Variants in PTPRR observed in about 807,000 individuals in gnomAD.
The protein encoded by PTPRR is protein tyrosine phosphatase receptor type R.
PTPRR carries 38 observed loss-of-function variants against 77.2 expected under a neutral mutation model. The observed-to-expected ratio is 0.49, with a 90% confidence interval of 0.38 to 0.65. PTPRR has a LOEUF of 0.65. Among genes scored for constraint, PTPRR ranks in the 30% least tolerant of loss-of-function variants. The probability of loss-of-function intolerance (pLI) is 0.00; values close to 1 mark genes in which losing one functional copy is unlikely to be tolerated. For synonymous variants in PTPRR, 299 were observed against 283.1 expected, an observed-to-expected ratio of 1.06 and a Z score of -0.57; for missense variants, 744 against 799.2, an observed-to-expected ratio of 0.93 and a Z score of 0.83.
chr12:70,799,790 G>T (rs1047142686), intron 2 of PTPRR, among the ~76,000 whole-genome samples: 2 of 152,120 alleles, frequency 1.3e-5, no homozygotes, highest in African/African-American at 2.4e-5. Context: ...TAAATTTACA[G>T]CATCCACAAT....
chr12:70,679,229 A>G (rs772040353), intron 10 of PTPRR, among the ~76,000 whole-genome samples: 1 of 152,032 alleles, frequency 6.6e-6, no homozygotes, highest in South Asian at 2.1e-4. Context: ...AATATTTGTA[A>G]AGTTTCTGAA....
intron 5 of PTPRR, among the ~76,000 whole-genome samples, chr12:70,746,578 T>C (rs568583559): frequency 2.0e-5 from 3 of 152,304 alleles, no homozygotes; most frequent in Admixed American, 2.0e-4. Context: ...TAGTCATATA[T>C]CAACTTGAGT....
At chr12:70,721,610 C>G (rs559036983) in intron 6 of PTPRR, among the ~76,000 whole-genome samples, 38 of 152,236 alleles carry the variant, frequency 2.5e-4, no homozygotes, top group African/African-American at 9.2e-4. Flanking sequence ...ATGCAGTTTC[C>G]CTGACTGCTT....
At chr12:70,882,281 G>A (rs1893161901) in intron 2 of PTPRR, among the ~76,000 whole-genome samples, 1 of 152,104 alleles carries the variant, frequency 6.6e-6, no homozygotes, top group South Asian at 2.1e-4. Context: ...TCCTTTACTT[G>A]TTATTGCTGA....
chr12:70,867,175 G>A (rs1592802578), intron 2 of PTPRR, among the ~76,000 whole-genome samples: 1 of 151,248 alleles, frequency 6.6e-6, no homozygotes, highest in African/African-American at 2.4e-5. Context: ...ACATAGTGTT[G>A]GAAGTTCTGG....
intron 2 of PTPRR, among the ~76,000 whole-genome samples, chr12:70,828,812 A>G (rs1407300203): frequency 1.3e-5 from 2 of 152,230 alleles, no homozygotes; most frequent in Non-Finnish European, 2.9e-5. Context: ...TAATGTTGAT[A>G]GTGTCGTGTG....
chr12:70,914,152 T>C (rs990346165), intron 1 of PTPRR, among the ~76,000 whole-genome samples: 30 of 152,110 alleles, frequency 2.0e-4, no homozygotes, highest in African/African-American at 7.2e-4. Flanking sequence ...GTATTGGTAT[T>C]TAAGAGAAAT....
chr12:70,773,182 A>G (rs1244808149), intron 2 of PTPRR, among the ~76,000 whole-genome samples: 1 of 152,080 alleles, frequency 6.6e-6, no homozygotes, highest in East Asian at 1.9e-4. Flanking sequence ...TTAGGAGCCC[A>G]CCCTACTCCA....
At chr12:70,914,578 A>G (rs372978359) in intron 1 of PTPRR, among the ~76,000 whole-genome samples, 9 of 152,196 alleles carry the variant, frequency 5.9e-5, no homozygotes, top group East Asian at 1.9e-4. Flanking sequence ...GGTCATTGTG[A>G]AGAATCCTGG....
At chr12:70,784,170 C>T (rs935428005) in intron 2 of PTPRR, among the ~76,000 whole-genome samples, 2 of 152,170 alleles carry the variant, frequency 1.3e-5, no homozygotes, top group African/African-American at 4.8e-5. Flanking sequence ...TGCAGCCTGG[C>T]CCAGGAGGGC....
chr12:70,856,915 G>T (rs957542537), intron 2 of PTPRR, among the ~76,000 whole-genome samples: 3 of 151,784 alleles, frequency 2.0e-5, no homozygotes, highest in African/African-American at 7.3e-5. Flanking sequence ...TAGGCAATTG[G>T]GTAGATATAT....
intron 6 of PTPRR, among the ~76,000 whole-genome samples, chr12:70,744,201 C>T (rs1326977181): frequency 6.6e-6 from 1 of 152,090 alleles, no homozygotes; most frequent in African/African-American, 2.4e-5. Flanking sequence ...AAATGAGGTC[C>T]AGATGAGTGA....
chr12:70,801,742 A>AATCTATCTATCT lies in PTPRR; in HGVS notation c.358-36976_358-36965dup, dbSNP rs150514515. 8.1e-3 allele frequency among the ~76,000 whole-genome samples: 1,234 copies of AATCTATCTATCT among 151,684 alleles called. 7 individuals carry two copies. The highest frequency in any genetic ancestry group is 0.012 in the African/African-American group (481 of 41,256). Reference sequence around the variant, plus strand: ...ACCACATGAGCCACTCCTTATAATAAATCTATCTATCTATCTATCTATAGC... The same window carrying AATCTATCTATCT: ...ACCACATGAGCCACTCCTTATAATAAATCTATCTATCTATCTATCTATCTATCTATCTATAGC... On this transcript the variant is annotated intron_variant, in intron 2 of 13. Coordinates refer to ENST00000283228, the MANE Select transcript of PTPRR (RefSeq NM_002849.4).
Position 70,665,364 on chromosome 12 carries a change from C to CTTTTTTTTTTTTTTTTTTTTTT in PTPRR, c.1498-2781_1498-2760dup, listed in dbSNP as rs72472808. 1.3e-4 allele frequency among the ~76,000 whole-genome samples: 6 copies of CTTTTTTTTTTTTTTTTTTTTTT among 44,562 alleles called. 1 individual carries two copies. Among genetic ancestry groups the CTTTTTTTTTTTTTTTTTTTTTT allele is most frequent in the Non-Finnish European group, 2.2e-4 (5 of 22,412 alleles). The allele number at this position is 44,562 out of a possible 152,430, so 29.2% of individuals were successfully genotyped here. A position where few individuals can be genotyped will look rare whatever the true frequency, so the allele number is the denominator to read the frequency against. ...GATGTAACACAAAGCAATGCAAATTCTTTTTTTTTTTTTTTTTTTTTTTTT... is the reference window on the plus strand; with the variant it reads ...GATGTAACACAAAGCAATGCAAATTCTTTTTTTTTTTTTTTTTTTTTTTTTTTTTTTTTTTTTTTTTTTTTTT... On this transcript the variant is annotated intron_variant, in intron 10 of 13. Transcript: ENST00000283228.
intron 2 of PTPRR, among the ~76,000 whole-genome samples, chr12:70,792,300 C>A (rs1039567494): frequency 1.3e-5 from 2 of 152,124 alleles, no homozygotes; most frequent in African/African-American, 2.4e-5. Flanking sequence ...CAGAGATTTT[C>A]AGCGATGAAA....
At chr12:70,642,183 G>A (rs975126050) in intron 13 of PTPRR, among the ~76,000 whole-genome samples, 3 of 152,062 alleles carry the variant, frequency 2.0e-5, no homozygotes, top group South Asian at 2.1e-4. Context: ...CCTGGTTCTC[G>A]GTAGTATTTT....
intron 2 of PTPRR, among the ~76,000 whole-genome samples, chr12:70,888,031 GGT>G (rs1258550533): frequency 2.3e-5 from 1 of 43,886 alleles, no homozygotes. Flanking sequence ...TGTGTGTGTG[GGT>G]GTGTGTGTGT....
At chr12:70,678,553 T>C (rs1004879884) in intron 10 of PTPRR, among the ~76,000 whole-genome samples, 2 of 152,232 alleles carry the variant, frequency 1.3e-5, no homozygotes, top group African/African-American at 4.8e-5. Context: ...GTTTTATGTT[T>C]TCAAACATGA....
intron 1 of PTPRR, among the ~76,000 whole-genome samples, chr12:70,901,866 T>C (rs1023903104): frequency 1.3e-5 from 2 of 151,652 alleles, no homozygotes; most frequent in Non-Finnish European, 3.0e-5. Context: ...TCACAATCTA[T>C]TCTATTTTTA....
Sources: allele counts gnomAD v4.1 joint callset (sites outside exome capture counted in the v4.1 genomes callset), GRCh38; gene constraint gnomAD v4.1.1; transcripts MANE v1.5; gene names NCBI Gene and HGNC (gene_info 2026-07-23, HGNC 2026-07-21).